AKR1C2: variants seen among roughly 807,000 people sequenced by gnomAD.
AKR1C2 encodes the protein aldo-keto reductase family 1 member C2, also known as 3-alpha-HSD3.
Under a neutral mutation model 39.8 loss-of-function variants are expected in AKR1C2, and 27 were observed. The observed-to-expected ratio is 0.68, with a 90% CI of 0.50 to 0.93. The LOEUF (loss-of-function observed/expected upper bound fraction) is 0.93, where lower values mean the gene tolerates loss of function less well. AKR1C2 is among the 40% of genes least tolerant of loss of function. The pLI is 0.00. For synonymous variants in AKR1C2, 114 were observed against 137.9 expected (o/e 0.83, Z 1.22); for missense variants, 263 against 365.1 (o/e 0.72, Z 2.28).
upstream of AKR1C2, chr10:5,005,927 A>C (rs1267649808): frequency 6.6e-6 from 1 of 152,350 alleles, no homozygotes; most frequent in African/African-American, 2.4e-5. Flanking sequence ...AAAGAAAAGG[A>C]AACAAATTGG....
chr10:4,998,858 C>A (rs2131694672), intron 4 of AKR1C2, 111 bp from the exon 5 acceptor site: 2 of 1,507,596 alleles, frequency 1.3e-6, no homozygotes, highest in East Asian at 4.6e-5. Context: ...ATCAAACTAG[C>A]TAGCCGTGGT....
In AKR1C2 at chr10:4,989,524, A is replaced by T. The variant is rs1421625090; in HGVS notation, c.*472T>A. On this transcript the variant is annotated 3_prime_UTR_variant, in exon 9 of 9. Coordinates refer to ENST00000380753, the MANE Select transcript of AKR1C2 (RefSeq NM_001393392.1). ...GGGAGCCCATGAATTGCTAGTCAAT[A>T]TCGCTCATCCTCTAGACTCCATCCT... The T allele has an allele frequency of 1.3e-5, 2 of 155,578 alleles. No homozygotes were observed. The highest frequency in any genetic ancestry group is 2.8e-5 in the Non-Finnish European group (2 of 71,434). 9.6% of individuals were successfully genotyped at this position (155,578 alleles called of 1,614,324 possible).
At position 4,999,180 on chromosome 10, in the gene AKR1C2, T is replaced by C. The variant is rs1430393474; in HGVS notation, c.447+20A>G. 6.3e-7 allele frequency: 1 copy of C among 1,595,062 alleles called. No individual in the cohort carries two copies. The highest frequency in any genetic ancestry group is 1.3e-5 in the African/African-American group (1 of 74,432). ...CCTACCTCATCTTTCTTATCCGTTCTCTCACCTCCAAACACTCACCTCCCA... is the reference window on the plus strand; with the variant it reads ...CCTACCTCATCTTTCTTATCCGTTCCCTCACCTCCAAACACTCACCTCCCA... On this transcript the variant is annotated intron_variant, in intron 4 of 8. Coordinates refer to ENST00000380753, the MANE Select transcript of AKR1C2 (RefSeq NM_001393392.1).
upstream of AKR1C2, chr10:5,004,103 T>C: frequency 3.2e-6 from 1 of 310,626 alleles, no homozygotes; most frequent in Non-Finnish European, 5.9e-6. Context: ...GATCTCTATA[T>C]ATGAGACATA....
chr10:4,990,122 C>T lies in AKR1C2; in HGVS notation c.930-84G>A, dbSNP rs562106509. On this transcript the variant is annotated intron_variant, in intron 8 of 8. Transcript: ENST00000380753. ...AGCGCAGTGATTTCTAGGAAGCTGC[C>T]GCTAGTGTAGATGTTAAGAAGTTCA... 1,854 of 1,543,868 alleles carry T rather than the reference C, an allele frequency of 1.2e-3. 33 individuals carry two copies. The South Asian group carries it at 0.02, about 17-fold the overall frequency.
At chr10:5,005,154 A>G (rs189913616), upstream of AKR1C2, among the ~76,000 whole-genome samples, 84 of 152,232 alleles carry the variant, frequency 5.5e-4, no homozygotes, top group African/African-American at 1.7e-3. Flanking sequence ...GCAAAATTTC[A>G]TAATAGTAAG....
At chr10:4,995,726 T>C (rs1554772911) in intron 6 of AKR1C2, 30 bp downstream of exon 6, 5 of 1,589,424 alleles carry the variant, frequency 3.1e-6, no homozygotes, top group Non-Finnish European at 4.3e-6. Context: ...AAACCAGTGT[T>C]TTAGGTAAAC....
At chr10:5,017,119 G>T (rs1188654165) in intron 1 of AKR1C2, among the ~76,000 whole-genome samples, 7 of 152,300 alleles carry the variant, frequency 4.6e-5, no homozygotes, top group African/African-American at 1.7e-4. Flanking sequence ...TACCTTGAAG[G>T]TCTCTGAAAT....
chr10:4,989,742 A>C lies in AKR1C2; in HGVS notation c.*254T>G. ...TTGGGGGCACTAGTGTGTCAGAAGG[A>C]GAGAAAACATAGAAGTTATGGAGAC... On this transcript the variant is annotated 3_prime_UTR_variant, in exon 9 of 9. Transcript: ENST00000380753. The C allele has an allele frequency of 1.8e-6, 1 of 555,988 alleles. No individual in the cohort carries two copies. The highest frequency in any genetic ancestry group is 3.1e-6 in the Non-Finnish European group (1 of 317,882). 34.4% of individuals were successfully genotyped at this position (555,988 alleles called of 1,614,324 possible).
Position 5,001,557 on chromosome 10 carries a change from G to A in AKR1C2, c.209C>T (p.Ala70Val), listed in dbSNP as rs147648222. Reference sequence around the variant, plus strand: ...GTCTTCTCTCTTCACACTGCCATCTGCAATCTTGCTTCGGATGGCCAGTCC... The same window carrying A: ...GTCTTCTCTCTTCACACTGCCATCTACAATCTTGCTTCGGATGGCCAGTCC... Reference protein sequence around the residue: ...QVGLAIRSKIADGSVKREDIF... With the variant: ...QVGLAIRSKIVDGSVKREDIF... Residue 70 changes from alanine (A) to valine (V), a missense_variant, in exon 2 of 9, where the codon GCA becomes GTA. Physicochemically the swap from Ala to Val is moderately conservative, Grantham distance 64. Coordinates refer to ENST00000380753, the MANE Select transcript of AKR1C2 (RefSeq NM_001393392.1). 7.0e-4 allele frequency: 1,133 copies of A among 1,613,976 alleles called. 6 individuals are homozygous for A. The African/African-American group carries it at 0.014, about 20-fold the overall frequency.
Position 4,991,918 on chromosome 10 carries a change from C to T in AKR1C2, c.847-5G>A. The T allele has an allele frequency of 2.0e-6, 1 of 507,828 alleles. No homozygotes were observed. The highest frequency in any genetic ancestry group is 2.3e-5 in the South Asian group (1 of 42,810). 31.5% of individuals were successfully genotyped at this position (507,828 alleles called of 1,614,324 possible). A position where few individuals can be genotyped will look rare whatever the true frequency, so the allele number is the denominator to read the frequency against. On this transcript the variant is annotated splice_polypyrimidine_tract_variant and splice_region_variant and intron_variant, in intron 7 of 8. Transcript: ENST00000380753. Reference sequence around the variant, plus strand: ...AGTCAACTGGAATTCAAACACCTATCAAAGTAATAGAAAACTTTAATTATT... The same window carrying T: ...AGTCAACTGGAATTCAAACACCTATTAAAGTAATAGAAAACTTTAATTATT...
In AKR1C2 at chr10:5,001,740, C is replaced by T. The variant is rs1466549766; in HGVS notation, c.85-59G>A. 6 of 1,606,836 alleles carry T rather than the reference C, an allele frequency of 3.7e-6. No homozygotes were observed. The African/African-American group carries it at 5.4e-5, about 14-fold the overall frequency. ...TAATGTGCCTGAGAGTTAGTTCGGG[C>T]ACAAGCAGCAACGTTCACAAAAATC... On this transcript the variant is annotated intron_variant, in intron 1 of 8. Transcript: ENST00000380753.
Position 4,995,476 on chromosome 10 carries a change from G to C in AKR1C2, c.689C>G (p.Pro230Arg). 6.6e-7 allele frequency: 1 copy of C among 1,524,238 alleles called. No individual in the cohort carries two copies. Among genetic ancestry groups the C allele is most frequent in the African/African-American group, 1.4e-5 (1 of 71,080 alleles). 94.4% of individuals were successfully genotyped at this position (1,524,238 alleles called of 1,614,324 possible). ...GSHREEPWVD[P>R]NSPVLLEDPV... is the part of the protein sequence containing the mutation. ...GTCCTCCAAGAGCACCGGGGAGTTCGGGTCCACCCTGGAAGGAAAGGCAGA... is the reference window on the plus strand; with the variant it reads ...GTCCTCCAAGAGCACCGGGGAGTTCCGGTCCACCCTGGAAGGAAAGGCAGA... Residue 230 changes from proline to arginine, a missense_variant, in exon 7 of 9, where the codon CCG becomes CGG. Around this residue, in one of 3 missense-constraint regions of AKR1C2, gnomAD observed 5 missense variants for 74.0 expected, o/e 0.07. Coordinates refer to ENST00000380753, the MANE Select transcript of AKR1C2 (RefSeq NM_001393392.1).
chr10:5,008,197 C>A (rs566993633), upstream of AKR1C2, among the ~76,000 whole-genome samples: 55 of 150,510 alleles, frequency 3.7e-4, no homozygotes, highest in Non-Finnish European at 6.2e-4. Context: ...CCATGGAGAC[C>A]CCCTGCAGAG....
Position 4,990,139 on chromosome 10 carries a change from A to G in AKR1C2, c.930-101T>C, listed in dbSNP as rs1460465368. The stretch of plus-strand genomic sequence containing the variant: ...GAAGCTGCCGCTAGTGTAGATGTTA[A>G]GAAGTTCATTTTCTGACTGCTCTAG... On this transcript the variant is annotated intron_variant, in intron 8 of 8. Transcript: ENST00000380753. 7 of 1,387,942 alleles carry G rather than the reference A, an allele frequency of 5.0e-6. No homozygotes were observed. In the African/African-American group the frequency reaches 7.3e-5, roughly 14 times the overall value. 86.0% of individuals were successfully genotyped at this position (1,387,942 alleles called of 1,614,324 possible).
chr10:4,998,587 A>G (rs1554773409), intron 5 of AKR1C2, 38 bp downstream of exon 5: 1 of 1,611,804 alleles, frequency 6.2e-7, no homozygotes, highest in South Asian at 1.1e-5. Flanking sequence ...AAAGAGGGGC[A>G]TGAAGAACAG....
intron 1 of AKR1C2, among the ~76,000 whole-genome samples, chr10:5,012,543 A>G (rs534399288): frequency 6.6e-6 from 1 of 151,062 alleles, no homozygotes; most frequent in East Asian, 1.9e-4. Flanking sequence ...GTTGGCTTTC[A>G]AGATAGAATA....
chr10:4,992,567 GTAA>G (rs1836876709), intron 7 of AKR1C2, among the ~76,000 whole-genome samples: 1 of 152,168 alleles, frequency 6.6e-6, no homozygotes, highest in African/African-American at 2.4e-5. Context: ...ATGAATGTAG[GTAA>G]GAAGATTTGT....
intron 1 of AKR1C2, among the ~76,000 whole-genome samples, chr10:5,015,459 C>T (rs1388791767): frequency 1.3e-5 from 2 of 152,148 alleles, no homozygotes; most frequent in African/African-American, 4.8e-5. Context: ...CCTGTAGTAG[C>T]ATAAATTCCC....
Sources: allele counts gnomAD v4.1 joint callset (sites outside exome capture counted in the v4.1 genomes callset), GRCh38; gene constraint gnomAD v4.1.1; regional missense constraint gnomAD v4.1.1; transcripts MANE v1.5; gene names NCBI Gene and HGNC (gene_info 2026-07-23, HGNC 2026-07-21).